The following GAD1 variants were observed in gnomAD, a reference collection of about 807,000 sequenced individuals.
The protein encoded by GAD1 is 67 kDa glutamic acid decarboxylase.
Under a neutral mutation model 75.2 loss-of-function variants are expected in GAD1, and 35 were observed. The ratio of observed to expected loss-of-function variants is 0.47; its 90% CI spans 0.36 to 0.62. GAD1 has a LOEUF of 0.62. GAD1 is among the 20% of genes least tolerant of loss of function. The probability of loss-of-function intolerance (pLI) is 0.00; values close to 1 mark genes in which losing one functional copy is unlikely to be tolerated. For synonymous variants in GAD1, 257 were observed against 271.9 expected, an observed-to-expected ratio of 0.95 and a Z score of 0.54; for missense variants, 490 against 758.5, an observed-to-expected ratio of 0.65 and a Z score of 4.16.
chr2:170,831,128 C>A lies in GAD1; in HGVS notation c.483C>A (p.His161Gln). 3 of 1,614,194 alleles carry A rather than the reference C, an allele frequency of 1.9e-6. No individual in the cohort carries two copies. Among genetic ancestry groups the A allele is most frequent in the Non-Finnish European group, 2.5e-6 (3 of 1,180,028 alleles). Residue 161 changes from histidine to glutamine, a missense_variant, in exon 5 of 17, where the codon CAC becomes CAA. His to Gln is a conservative substitution (Grantham distance 24). Transcript: ENST00000358196. ...GCTTCAACTTGGAGCTCTCTGACCA[C>A]CCCGAGTCCCTGGAGCAGATCCTGG... ...MEGFNLELSD[H>Q]PESLEQILVD...
chr2:170,828,242 AC>A (rs1226737971), intron 3 of GAD1, among the ~76,000 whole-genome samples: 3 of 40,786 alleles, frequency 7.4e-5, no homozygotes, highest in Non-Finnish European at 9.8e-5. Context: ...TGCTGTCCTC[AC>A]CCCTCCTCTC....
chr2:170,854,298 T>C lies in GAD1; in HGVS notation c.1413+276T>C, dbSNP rs45519935. ...AAAATTATGCCAAGATAAGGATTTC[T>C]GCAGCAATCCTTGGGGATGCTGGAA... is the stretch of plus-strand genomic sequence containing the variant. On this transcript the variant is annotated intron_variant, in intron 14 of 16. Transcript: ENST00000358196. Among the ~76,000 whole-genome samples the C allele has an allele frequency of 2.3e-3, 347 of 152,178 alleles. 4 individuals are homozygous for C. Among genetic ancestry groups the C allele is most frequent in the African/African-American group, 7.7e-3 (321 of 41,528 alleles).
At chr2:170,820,679 C>A (rs747620649) in intron 2 of GAD1, among the ~76,000 whole-genome samples, 3 of 152,336 alleles carry the variant, frequency 2.0e-5, no homozygotes, top group Admixed American at 2.0e-4. Flanking sequence ...CAAAGGGGCT[C>A]TCTCGCTTGC....
intron 6 of GAD1, among the ~76,000 whole-genome samples, chr2:170,837,927 T>C (rs1477875025): frequency 6.6e-6 from 1 of 152,230 alleles, no homozygotes; most frequent in Non-Finnish European, 1.5e-5. Context: ...AGGTAGTCTG[T>C]TTTTCTTAAA....
At chr2:170,838,657 C>T (rs746698465) in intron 6 of GAD1, among the ~76,000 whole-genome samples, 3 of 152,266 alleles carry the variant, frequency 2.0e-5, no homozygotes, top group South Asian at 2.1e-4. Flanking sequence ...AGGTAAATAA[C>T]GGACCTCCCC....
intron 3 of GAD1, among the ~76,000 whole-genome samples, chr2:170,824,378 T>TACAC (rs10529529): frequency 0.067 from 9,835 of 146,146 alleles, 376 homozygotes; most frequent in Non-Finnish European, 0.088. Flanking sequence ...CCTGCCTGCC[T>TACAC]ACACACACAC....
At chr2:170,852,998 T>G (rs1702777883) in intron 13 of GAD1, 3 of 643,554 alleles carry the variant, frequency 4.7e-6, no homozygotes, top group Non-Finnish European at 8.4e-6. Context: ...GCTTCTTCTT[T>G]GATCAGTACT....
intron 3 of GAD1, among the ~76,000 whole-genome samples, chr2:170,822,426 G>A (rs939887964): frequency 5.9e-5 from 9 of 152,334 alleles, no homozygotes; most frequent in African/African-American, 2.2e-4. Context: ...GCGCAGAAGC[G>A]GGAGGAAAGC....
chr2:170,848,226 G>A (rs575631711), intron 11 of GAD1, among the ~76,000 whole-genome samples: 19 of 152,302 alleles, frequency 1.2e-4, no homozygotes, highest in Admixed American at 9.2e-4. Flanking sequence ...GGCTGGGCGC[G>A]GTGGCTCACG....
chr2:170,843,352 T>C (rs966182971), intron 6 of GAD1, among the ~76,000 whole-genome samples: 2 of 152,254 alleles, frequency 1.3e-5, no homozygotes, highest in African/African-American at 2.4e-5. Context: ...CAGTTGACCG[T>C]CTTCTTGTTA....
At chr2:170,842,495 C>G (rs540633758) in intron 6 of GAD1, 2 of 1,298,710 alleles carry the variant, frequency 1.5e-6, no homozygotes, top group Admixed American at 1.7e-5. Flanking sequence ...AAAAGCCCAT[C>G]ATGAGTTTGC....
chr2:170,856,113 A>G (rs573774136), intron 14 of GAD1, among the ~76,000 whole-genome samples: 4 of 152,246 alleles, frequency 2.6e-5, no homozygotes, highest in African/African-American at 7.2e-5. Flanking sequence ...CAGCAGTGAC[A>G]CTACCTGGGG....
intron 6 of GAD1, among the ~76,000 whole-genome samples, chr2:170,839,149 G>A (rs149246214): frequency 1.1e-3 from 161 of 152,340 alleles, no homozygotes; most frequent in African/African-American, 2.9e-3. Context: ...TTCTATGGCA[G>A]TGCAGGATTT....
chr2:170,833,294 G>T (rs1310848288), intron 5 of GAD1, among the ~76,000 whole-genome samples: 5 of 152,186 alleles, frequency 3.3e-5, no homozygotes, highest in Non-Finnish European at 7.4e-5. Context: ...GAGCTGCTGA[G>T]GTCTGCCAAC....
At chr2:170,856,593 C>T (rs1355485628) in intron 14 of GAD1, among the ~76,000 whole-genome samples, 1 of 152,180 alleles carries the variant, frequency 6.6e-6, no homozygotes, top group Non-Finnish European at 1.5e-5. Context: ...ATACAAAGAA[C>T]AAGCCACTGT....
intron 5 of GAD1, among the ~76,000 whole-genome samples, chr2:170,832,689 C>CACACACAT (rs1162120501): frequency 1.2e-4 from 17 of 144,428 alleles, no homozygotes; most frequent in African/African-American, 4.3e-4. Flanking sequence ...CACACACACA[C>CACACACAT]ACACACATAC....
At chr2:170,815,504 G>T (rs550122688), upstream of GAD1, among the ~76,000 whole-genome samples, 2 of 152,144 alleles carry the variant, frequency 1.3e-5, no homozygotes, top group African/African-American at 2.4e-5. Flanking sequence ...TAATATTTTT[G>T]TGTGTGTTTC....
intron 3 of GAD1, among the ~76,000 whole-genome samples, chr2:170,824,855 G>C (rs1353088939): frequency 2.6e-5 from 4 of 151,998 alleles, no homozygotes; most frequent in African/African-American, 4.8e-5. Flanking sequence ...AACTTCCCAG[G>C]GTGTCCTTGG....
chr2:170,844,120 A>T lies in GAD1; in HGVS notation c.714A>T (p.Gly238=). 6.2e-7 allele frequency: 1 copy of T among 1,608,220 alleles called. No individual in the cohort carries two copies. The highest frequency in any genetic ancestry group is 8.5e-7 in the Non-Finnish European group (1 of 1,174,674). The change falls in exon 7 of 17, where the codon GGA becomes GGT. Residue 238 remains glycine (G), a synonymous_variant. Coordinates refer to ENST00000358196, the MANE Select transcript of GAD1 (RefSeq NM_000817.3). ...ITLKKMREIV[G]WSSKDGDGIF... is the part of the protein sequence containing the mutation. ...TTAAGAAGATGAGAGAGATAGTTGGATGGTCAAGTAAAGATGGTGATGGGA... is the reference window on the plus strand; with the variant it reads ...TTAAGAAGATGAGAGAGATAGTTGGTTGGTCAAGTAAAGATGGTGATGGGA...
Sources: allele counts gnomAD v4.1 joint callset (sites outside exome capture counted in the v4.1 genomes callset), GRCh38; gene constraint gnomAD v4.1.1; transcripts MANE v1.5; gene names NCBI Gene and HGNC (gene_info 2026-07-23, HGNC 2026-07-21).